ESRRG: variants seen among roughly 807,000 people sequenced by gnomAD.
ESRRG encodes the protein estrogen-related receptor gamma.
In ESRRG, 13 loss-of-function variants were observed where a neutral mutation model predicts 44.0. The observed-to-expected ratio is 0.30, with a 90% CI of 0.19 to 0.47. The LOEUF (loss-of-function observed/expected upper bound fraction) is 0.47. Among genes scored for constraint, ESRRG ranks in the 20% least tolerant of loss-of-function variants. The pLI, the probability that ESRRG is intolerant of heterozygous loss-of-function variation, is 1.00. For missense variants in ESRRG, 395 were observed against 580.6 expected, an observed-to-expected ratio of 0.68 and a Z score of 3.29; for synonymous variants, 215 against 214.6, an observed-to-expected ratio of 1.00 and a Z score of -0.02.
intron 1 of ESRRG, among the ~76,000 whole-genome samples, chr1:217,029,795 G>A (rs571458423): frequency 3.3e-5 from 5 of 152,220 alleles, no homozygotes; most frequent in Admixed American, 3.3e-4. Flanking sequence ...ACTCCCTTAA[G>A]TGAAAAGAAA....
At chr1:216,639,458 AG>A (rs931518295) in intron 3 of ESRRG, among the ~76,000 whole-genome samples, 2 of 152,186 alleles carry the variant, frequency 1.3e-5, no homozygotes, top group African/African-American at 4.8e-5. Flanking sequence ...GAGGGAGGCC[AG>A]GGAAAACGGA....
At chr1:217,110,048 A>G (rs1463275330) in intron 1 of ESRRG, among the ~76,000 whole-genome samples, 3 of 152,152 alleles carry the variant, frequency 2.0e-5, no homozygotes, top group Non-Finnish European at 2.9e-5. Flanking sequence ...ATGCTTTCCT[A>G]AAGTCCATGT....
chr1:216,993,635 T>A (rs1031978967), intron 1 of ESRRG, among the ~76,000 whole-genome samples: 2 of 152,072 alleles, frequency 1.3e-5, no homozygotes, highest in Non-Finnish European at 2.9e-5. Context: ...AAGGTTAAGG[T>A]GACAGATATT....
intron 2 of ESRRG, among the ~76,000 whole-genome samples, chr1:216,728,513 C>T (rs2088022610): frequency 6.9e-6 from 1 of 144,708 alleles, no homozygotes; most frequent in Middle Eastern, 3.5e-3. Flanking sequence ...GTGGCGGGGG[C>T]GGGTAGTGGA....
intron 3 of ESRRG, among the ~76,000 whole-genome samples, chr1:216,590,581 C>T (rs766466060): frequency 2.6e-5 from 4 of 152,126 alleles, no homozygotes; most frequent in Non-Finnish European, 4.4e-5. Flanking sequence ...GTTTCACTTA[C>T]GAAGGACATT....
chr1:216,707,731 A>C (rs1184293679), intron 1 of ESRRG, among the ~76,000 whole-genome samples: 3 of 152,238 alleles, frequency 2.0e-5, no homozygotes, highest in Admixed American at 6.5e-5. Flanking sequence ...TGAATGATCA[A>C]GAAAATGCAG....
rs1340560595 is a variant in ESRRG at position 216,533,604 on chromosome 1, C to A, written c.863-14183G>T. On this transcript the variant is annotated intron_variant, in intron 5 of 6. Coordinates refer to ENST00000408911, the MANE Select transcript of ESRRG (RefSeq NM_001438.4). The stretch of plus-strand genomic sequence containing the variant: ...GGGAGTTCTAGAGATCCTTAGCTGC[C>A]TCTTTTACTCCCATTCTTTTTAAAG... Among the ~76,000 whole-genome samples the A allele has an allele frequency of 2.6e-5, 4 of 152,038 alleles. No individual in the cohort carries two copies. In the East Asian group the frequency reaches 7.7e-4, roughly 29 times the overall value.
At chr1:217,120,222 T>C (rs1462941578) in intron 1 of ESRRG, among the ~76,000 whole-genome samples, 1 of 152,176 alleles carries the variant, frequency 6.6e-6, no homozygotes, top group African/African-American at 2.4e-5. Context: ...CCAGGAATAC[T>C]GGAACCATTC....
At position 216,567,157 on chromosome 1, in the gene ESRRG, G is replaced by T. The variant is rs11572768; in HGVS notation, c.700+831C>A. Among the ~76,000 whole-genome samples, 29 of 151,966 alleles carry T rather than the reference G, an allele frequency of 1.9e-4. 1 individual carries two copies. Among genetic ancestry groups the T allele is most frequent in the Admixed American group, 1.9e-3 (29 of 15,264 alleles). On this transcript the variant is annotated intron_variant, in intron 4 of 6. Coordinates refer to ENST00000408911, the MANE Select transcript of ESRRG (RefSeq NM_001438.4). ...AAAAAGACAGCTAAATTGGAAAACC[G>T]TTTTCACCAAAGCGCTCCTCCATGC...
chr1:216,835,720 G>A (rs982542689), intron 2 of ESRRG, among the ~76,000 whole-genome samples: 4 of 152,170 alleles, frequency 2.6e-5, no homozygotes, highest in African/African-American at 9.7e-5. Context: ...TGCCAATGAA[G>A]TGGGTGACGA....
chr1:216,736,876 T>C (rs1438576554), intron 2 of ESRRG, among the ~76,000 whole-genome samples: 1 of 152,172 alleles, frequency 6.6e-6, no homozygotes, highest in Non-Finnish European at 1.5e-5. Flanking sequence ...GAATAGGATC[T>C]CTATAGACCT....
chr1:216,966,004 C>A (rs140943235), intron 1 of ESRRG, among the ~76,000 whole-genome samples: 1 of 152,090 alleles, frequency 6.6e-6, no homozygotes, highest in African/African-American at 2.4e-5. Flanking sequence ...ATTTCTAATG[C>A]GCTCCAAAAT....
rs757433631 is a variant in ESRRG, at chr1:216,723,303, C to T, written c.-4G>A. The stretch of plus-strand genomic sequence containing the variant: ...GGCAAAGTTCTACCGAATCCATGTG[C>T]GACCGGCAACCATTATTTGTGCACC... On this transcript the variant is annotated 5_prime_UTR_variant, in exon 1 of 7. Transcript: ENST00000408911. 6.2e-7 allele frequency: 1 copy of T among 1,613,794 alleles called. No homozygotes were observed. The highest frequency in any genetic ancestry group is 1.7e-5 in the Admixed American group (1 of 60,002).
chr1:216,550,988 A>G (rs1460637900), intron 5 of ESRRG, among the ~76,000 whole-genome samples: 2 of 152,152 alleles, frequency 1.3e-5, no homozygotes, highest in Non-Finnish European at 2.9e-5. Flanking sequence ...AGAACGGTCA[A>G]TGCTGAAATA....
intron 1 of ESRRG, among the ~76,000 whole-genome samples, chr1:216,692,973 A>T (rs2079359365): frequency 6.6e-6 from 1 of 152,310 alleles, no homozygotes; most frequent in South Asian, 2.1e-4. Context: ...AATTTCCCAG[A>T]ACATATCCTT....
At chr1:216,634,709 C>T (rs1250785463) in intron 3 of ESRRG, among the ~76,000 whole-genome samples, 1 of 152,166 alleles carries the variant, frequency 6.6e-6, no homozygotes, top group Non-Finnish European at 1.5e-5. Context: ...CTCACTGATG[C>T]AACTGGTGAA....
At chr1:216,983,260 C>T (rs2074290273) in intron 1 of ESRRG, among the ~76,000 whole-genome samples, 1 of 151,238 alleles carries the variant, frequency 6.6e-6, no homozygotes, top group Non-Finnish European at 1.5e-5. Flanking sequence ...GAGACAGGGT[C>T]TCGCTCTGTT....
chr1:216,640,365 T>C (rs1405796891), intron 3 of ESRRG, among the ~76,000 whole-genome samples: 1 of 152,080 alleles, frequency 6.6e-6, no homozygotes, highest in Non-Finnish European at 1.5e-5. Flanking sequence ...GTGGCTTTTG[T>C]GAACCTGGAA....
intron 1 of ESRRG, among the ~76,000 whole-genome samples, chr1:216,704,352 A>G (rs1488536765): frequency 1.3e-5 from 2 of 152,118 alleles, no homozygotes; most frequent in Non-Finnish European, 2.9e-5. Context: ...TATCTCTACT[A>G]AAAATACAAA....
Sources: allele counts gnomAD v4.1 joint callset (sites outside exome capture counted in the v4.1 genomes callset), GRCh38; gene constraint gnomAD v4.1.1; transcripts MANE v1.5; gene names NCBI Gene and HGNC (gene_info 2026-07-23, HGNC 2026-07-21).